The following HIPK3 variants were observed in gnomAD, a reference collection of about 807,000 sequenced individuals.
The protein encoded by HIPK3 is homeodomain interacting protein kinase 3.
HIPK3 carries 47 observed loss-of-function variants against 124.2 expected under a neutral mutation model. That is an observed-to-expected ratio of 0.38 (90% confidence interval 0.30 to 0.48). The LOEUF is 0.48. Ranked by LOEUF, HIPK3 falls within the 20% of genes least tolerant of loss-of-function variation. The pLI is 0.98. For synonymous variants in HIPK3, 482 were observed against 515.2 expected (o/e 0.94, Z 0.87); for missense variants, 1,286 against 1,454.3 (o/e 0.88, Z 1.88).
intron 1 of HIPK3, among the ~76,000 whole-genome samples, chr11:33,270,008 G>A (rs1851079850): frequency 1.3e-5 from 2 of 151,672 alleles, no homozygotes; most frequent in South Asian, 2.1e-4. Context: ...AGACAGTTTC[G>A]CTTTCGTTGC....
chr11:33,287,311 T>G lies in HIPK3; in HGVS notation c.897T>G (p.Ile299Met), dbSNP rs747053879. ...NKFSPLPLKV[I>M]RPILQQVATA... is the part of the protein sequence containing the mutation. ...TTAGTCCCCTGCCACTAAAAGTGAT[T>G]CGGCCCATTCTTCAACAAGTGGCCA... Residue 299 changes from isoleucine to methionine, a missense_variant, in exon 2 of 17, where the codon ATT becomes ATG. Physicochemically the swap from Ile to Met is conservative, Grantham distance 10 (BLOSUM62 1). Transcript: ENST00000303296. 1 of 1,614,158 alleles carries G rather than the reference T, an allele frequency of 6.2e-7. No individual in the cohort carries two copies. The highest frequency in any genetic ancestry group is 8.5e-7 in the Non-Finnish European group (1 of 1,179,998).
chr11:33,272,902 G>A lies in HIPK3; in HGVS notation c.-2-13511G>A, dbSNP rs1026429735. Among the ~76,000 whole-genome samples, 3 of 147,478 alleles carry A rather than the reference G, an allele frequency of 2.0e-5. No homozygotes were observed. The Admixed American group carries it at 2.1e-4, about 10-fold the overall frequency. ...GCTTTGTCACCCAGGCTAGAGTGCAGTGGTAGGCACTATCACAGCCAAGCA... is the reference window on the plus strand; with the variant it reads ...GCTTTGTCACCCAGGCTAGAGTGCAATGGTAGGCACTATCACAGCCAAGCA... On this transcript the variant is annotated intron_variant, in intron 1 of 16. Coordinates refer to ENST00000303296, the MANE Select transcript of HIPK3 (RefSeq NM_005734.5).
intron 7 of HIPK3, 143 bp downstream of exon 7, chr11:33,341,270 T>C: frequency 1.6e-6 from 1 of 613,946 alleles, no homozygotes; most frequent in Non-Finnish European, 2.7e-6. Context: ...ACCAAATCTC[T>C]TAAAATTCCA....
At chr11:33,257,339 A>T, upstream of HIPK3, 2 of 984,180 alleles carry the variant, frequency 2.0e-6, no homozygotes, top group Non-Finnish European at 2.4e-6. Flanking sequence ...GCGGTGGCCG[A>T]GGCCGACGAG....
At position 33,353,787 on chromosome 11, in the gene HIPK3, G is replaced by T. The variant is rs1373121999; in HGVS notation, c.*219G>T. ...GTTATCTTCTTATGTAGTAACTCTAGACAGGTGACTTATGGGAGCAGAAGT... is the reference window on the plus strand; with the variant it reads ...GTTATCTTCTTATGTAGTAACTCTATACAGGTGACTTATGGGAGCAGAAGT... On this transcript the variant is annotated 3_prime_UTR_variant, in exon 17 of 17. Coordinates refer to ENST00000303296, the MANE Select transcript of HIPK3 (RefSeq NM_005734.5). The T allele has an allele frequency of 2.0e-6, 1 of 490,980 alleles. No homozygotes were observed. Among genetic ancestry groups the T allele is most frequent in the Admixed American group, 3.4e-5 (1 of 29,178 alleles). 30.4% of individuals were successfully genotyped at this position (490,980 alleles called of 1,614,324 possible). A position where few individuals can be genotyped will look rare whatever the true frequency, so the allele number is the denominator to read the frequency against.
At chr11:33,352,306 A>G (rs368865147) in intron 16 of HIPK3, 41 bp downstream of exon 16, 289 of 1,599,668 alleles carry the variant, frequency 1.8e-4, no homozygotes, top group Admixed American at 3.4e-4. Context: ...GTGGGATTCA[A>G]ATTTAGCAGT....
intron 3 of HIPK3, among the ~76,000 whole-genome samples, chr11:33,330,307 T>TG (rs1402344812): frequency 1.3e-5 from 2 of 151,986 alleles, no homozygotes; most frequent in Admixed American, 1.3e-4. Flanking sequence ...CACAGTTCAG[T>TG]GGGGTTTTTT....
In HIPK3 at chr11:33,301,582, A is replaced by G. The variant is rs937275664; in HGVS notation, c.1097+14071A>G. On this transcript the variant is annotated intron_variant, in intron 2 of 16. Transcript: ENST00000303296. ...AGGATTGCCTGAGCCCAGGAGTTCA[A>G]GACCAGCCTGGGTAACATATTGGGA... 7.9e-5 allele frequency among the ~76,000 whole-genome samples: 12 copies of G among 151,424 alleles called. 1 individual carries two copies. Among genetic ancestry groups the G allele is most frequent in the African/African-American group, 2.9e-4 (12 of 41,174 alleles).
chr11:33,312,863 T>C (rs1371114296), intron 2 of HIPK3, among the ~76,000 whole-genome samples: 1 of 152,230 alleles, frequency 6.6e-6, no homozygotes, highest in East Asian at 1.9e-4. Context: ...AGTATATCTC[T>C]CATTTACAAA....
At chr11:33,299,283 C>T (rs1482985348) in intron 2 of HIPK3, among the ~76,000 whole-genome samples, 3 of 150,786 alleles carry the variant, frequency 2.0e-5, no homozygotes, top group Non-Finnish European at 3.0e-5. Context: ...ACCAGATTGA[C>T]CAATATGGTG....
intron 2 of HIPK3, among the ~76,000 whole-genome samples, chr11:33,315,906 A>C (rs1019061848): frequency 6.6e-6 from 1 of 152,148 alleles, no homozygotes; most frequent in South Asian, 2.1e-4. Flanking sequence ...TGTCCTGCAT[A>C]CTTAAAAGAT....
intron 2 of HIPK3, among the ~76,000 whole-genome samples, chr11:33,304,590 C>T (rs1316174488): frequency 6.6e-6 from 1 of 151,810 alleles, no homozygotes; most frequent in African/African-American, 2.4e-5. Context: ...GAAGCTCTGT[C>T]AGACAAAATT....
intron 3 of HIPK3, among the ~76,000 whole-genome samples, chr11:33,336,735 A>G (rs979770152): frequency 2.6e-5 from 4 of 152,106 alleles, no homozygotes; most frequent in African/African-American, 9.7e-5. Flanking sequence ...TTGATTTTCT[A>G]TATTTACACA....
intron 3 of HIPK3, among the ~76,000 whole-genome samples, chr11:33,333,980 C>G (rs1007751589): frequency 6.6e-6 from 1 of 152,044 alleles, no homozygotes; most frequent in Non-Finnish European, 1.5e-5. Context: ...AGTACTTTTT[C>G]CTTCCATTTT....
Position 33,337,128 on chromosome 11 carries a change from G to A in HIPK3, c.1275G>A (p.Val425=). 1 of 1,593,800 alleles carries A rather than the reference G, an allele frequency of 6.3e-7. No individual in the cohort carries two copies. Among genetic ancestry groups the A allele is most frequent in the Non-Finnish European group, 8.6e-7 (1 of 1,163,082 alleles). The change falls in exon 4 of 17, where the codon GTG becomes GTA. Residue 425 remains valine (V), a synonymous_variant. Coordinates refer to ENST00000303296, the MANE Select transcript of HIPK3 (RefSeq NM_005734.5). ...TGCCAGGAGAACAGTTGTTAAATGT[G>A]GGTACTAAATCCACAAGATTTTTTT... The part of the protein sequence containing the change: ...QGLPGEQLLN[V]GTKSTRFFCK...
chr11:33,311,837 TACAC>T lies in HIPK3; in HGVS notation c.1098-16644_1098-16641del, dbSNP rs370396153. Among the ~76,000 whole-genome samples the T allele has an allele frequency of 8.0e-4, 84 of 104,486 alleles. 4 individuals carry two copies. The highest frequency in any genetic ancestry group is 5.0e-3 in the East Asian group (17 of 3,406). 68.5% of individuals were successfully genotyped at this position (104,486 alleles called of 152,430 possible). On this transcript the variant is annotated intron_variant, in intron 2 of 16. Coordinates refer to ENST00000303296, the MANE Select transcript of HIPK3 (RefSeq NM_005734.5). ...GGGCAACATAGCAGGACCCTGTTTC[TACAC>T]ACACACACACACACACACACACACA...
chr11:33,258,242 T>C, intron 1 of HIPK3: 1 of 907,130 alleles, frequency 1.1e-6, no homozygotes, highest in Non-Finnish European at 1.3e-6. Context: ...CAACGGCTCT[T>C]CCCAGCAACC....
chr11:33,323,978 T>C (rs189391971), intron 2 of HIPK3, among the ~76,000 whole-genome samples: 2 of 152,352 alleles, frequency 1.3e-5, no homozygotes, highest in Non-Finnish European at 2.9e-5. Flanking sequence ...ATGTCTATTC[T>C]CTGCAATATC....
intron 2 of HIPK3, among the ~76,000 whole-genome samples, chr11:33,301,388 A>G (rs1340015897): frequency 6.6e-6 from 1 of 152,118 alleles, no homozygotes; most frequent in African/African-American, 2.4e-5. Flanking sequence ...TTATTTTTGA[A>G]ATACAGTTAA....
Sources: allele counts gnomAD v4.1 joint callset (sites outside exome capture counted in the v4.1 genomes callset), GRCh38; gene constraint gnomAD v4.1.1; transcripts MANE v1.5; gene names NCBI Gene and HGNC (gene_info 2026-07-23, HGNC 2026-07-21).